The following CCDC14 variants were observed in gnomAD, a reference collection of about 807,000 sequenced individuals.
CCDC14 encodes the protein coiled-coil domain-containing protein 14.
In CCDC14, 71 loss-of-function variants were observed where a neutral mutation model predicts 81.4. That is an observed-to-expected ratio of 0.87 (90% confidence interval 0.72 to 1.06). CCDC14 has a LOEUF of 1.06. Ranked by LOEUF, CCDC14 falls within the 50% of genes least tolerant of loss-of-function variation. The pLI is 0.00. For missense variants in CCDC14, 1,046 were observed against 1,047.3 expected, an observed-to-expected ratio of 1.00 and a Z score of 0.02; for synonymous variants, 332 against 364.8, an observed-to-expected ratio of 0.91 and a Z score of 1.03.
intron 9 of CCDC14, among the ~76,000 whole-genome samples, chr3:123,940,335 C>G (rs923393562): frequency 2.7e-5 from 4 of 150,812 alleles, no homozygotes; most frequent in Non-Finnish European, 5.9e-5. Flanking sequence ...TTTTCTTTTT[C>G]TTCTTTGAGC....
downstream of CCDC14, among the ~76,000 whole-genome samples, chr3:123,909,047 C>T (rs1311863334): frequency 2.6e-5 from 4 of 152,030 alleles, no homozygotes; most frequent in African/African-American, 9.7e-5. Context: ...TCTTGCCAAA[C>T]GTCAAACAAA....
rs181369854 is a variant in CCDC14, at chr3:123,915,104, G to A, written c.2393C>T (p.Ser798Phe). ...TGTGTCCTTCATATCAGATGCTCTG[G>A]AAAGTTTTTCAGGTGCATCTTCTGC... ...KEAEDAPEKL[S>F]RASDMKDTQL... is the part of the protein sequence containing the mutation. Residue 798 changes from serine to phenylalanine, a missense_variant, in exon 13 of 13, where the codon TCC (serine) becomes TTC (phenylalanine). Coordinates refer to ENST00000409697, the MANE Select transcript of CCDC14 (RefSeq NM_001366335.1). The A allele has an allele frequency of 1.6e-4, 261 of 1,613,966 alleles. No individual in the cohort carries two copies. In the East Asian group the frequency reaches 5.2e-3, roughly 32 times the overall value.
intron 1 of CCDC14, among the ~76,000 whole-genome samples, chr3:123,960,907 G>T (rs537984622): frequency 6.6e-5 from 10 of 152,182 alleles, no homozygotes; most frequent in Non-Finnish European, 1.3e-4. Flanking sequence ...ACCCGGGCCT[G>T]ACCCCAAAGC....
the CCDC14 span, among the ~76,000 whole-genome samples, chr3:123,885,878 T>G: frequency 6.6e-6 from 1 of 152,190 alleles, no homozygotes; most frequent in Non-Finnish European, 1.5e-5. Flanking sequence ...AGGAGATGCT[T>G]CCTCTCATCT....
Position 123,956,659 on chromosome 3 carries a change from G to A in CCDC14, c.86+81C>T, listed in dbSNP as rs529717492. On this transcript the variant is annotated intron_variant, in intron 2 of 12. Transcript: ENST00000409697. ...ATGGTAGAGGCCTACCTAATTTTCTGGGGTAGACGACATGTCATCCAGCCC... is the reference window on the plus strand; with the variant it reads ...ATGGTAGAGGCCTACCTAATTTTCTAGGGTAGACGACATGTCATCCAGCCC... The A allele has an allele frequency of 4.4e-6, 5 of 1,124,220 alleles. No homozygotes were observed. The East Asian group carries it at 1.3e-4, about 29-fold the overall frequency. The allele number at this position is 1,124,220 out of a possible 1,614,324, so 69.6% of individuals were successfully genotyped here. A position where few individuals can be genotyped will look rare whatever the true frequency, so the allele number is the denominator to read the frequency against.
rs1191300004 is a variant in CCDC14, at chr3:123,931,513, C to T, written c.1440G>A (p.Gln480=). Residue 480 remains glutamine (Q), a synonymous_variant, in exon 11 of 13, where the codon CAG becomes CAA. Transcript: ENST00000409697. The stretch of plus-strand genomic sequence containing the variant: ...GATTTTGCAGTGACATATTCAATGA[C>T]TGAAGAGAAAACACTGTTAAGACAA... ...VDCNLELFSL[Q]SLNMSLQNQL... is the part of the protein sequence containing the mutation. The T allele has an allele frequency of 1.9e-6, 3 of 1,552,162 alleles. No individual in the cohort carries two copies. In the South Asian group the frequency reaches 3.6e-5, roughly 19 times the overall value.
At chr3:123,887,088 C>G in the CCDC14 span, among the ~76,000 whole-genome samples, 1 of 152,066 alleles carries the variant, frequency 6.6e-6, no homozygotes, top group Non-Finnish European at 1.5e-5. Flanking sequence ...AGTTTTGATT[C>G]TTGAAAACAG....
In CCDC14 at chr3:123,946,826, A is replaced by G. The variant is rs1343881643; in HGVS notation, c.1178T>C (p.Leu393Pro). ...VRIIKYLLGE[L>P]KALVAEQEDS... ...ACCTTGTTCTGCTACCAGGGCCTTG[A>G]GCTCTCCCAACAAATATTTTATAAT... Residue 393 changes from leucine to proline, a missense_variant, in exon 8 of 13, where the codon CTC becomes CCC. By Grantham distance (98) the Leu-to-Pro change is moderately conservative (BLOSUM62 -3). Transcript: ENST00000409697. 6.2e-7 allele frequency: 1 copy of G among 1,613,644 alleles called. No individual in the cohort carries two copies. The highest frequency in any genetic ancestry group is 2.2e-5 in the East Asian group (1 of 44,890).
At chr3:123,943,120 A>G (rs2036441672) in intron 9 of CCDC14, among the ~76,000 whole-genome samples, 1 of 151,888 alleles carries the variant, frequency 6.6e-6, no homozygotes, top group Non-Finnish European at 1.5e-5. Context: ...ATATACATAC[A>G]TACACATATA....
chr3:123,960,539 T>C (rs2037619674), intron 1 of CCDC14, among the ~76,000 whole-genome samples: 1 of 152,218 alleles, frequency 6.6e-6, no homozygotes, highest in Non-Finnish European at 1.5e-5. Flanking sequence ...AAGGATATCG[T>C]GACTATTAAA....
intron 5 of CCDC14, among the ~76,000 whole-genome samples, chr3:123,908,246 G>C (rs547055689): frequency 6.6e-6 from 1 of 152,114 alleles, no homozygotes; most frequent in Admixed American, 6.5e-5. Context: ...TTGGTGTTGC[G>C]ATCTTTCCTC....
At chr3:123,956,943 C>T (rs2037359486) in intron 1 of CCDC14, 148 bp from the exon 2 acceptor site, 2 of 505,860 alleles carry the variant, frequency 4.0e-6, no homozygotes, top group Non-Finnish European at 6.9e-6. Flanking sequence ...CCTTTCCATC[C>T]CCTCTTCTCC....
chr3:123,888,028 A>G, the CCDC14 span, among the ~76,000 whole-genome samples: 5 of 151,076 alleles, frequency 3.3e-5, no homozygotes, highest in East Asian at 7.7e-4. Flanking sequence ...TTATAGGTCA[A>G]TCTTTATTTC....
downstream of CCDC14, among the ~76,000 whole-genome samples, chr3:123,893,760 A>T (rs1017538496): frequency 6.6e-6 from 1 of 152,178 alleles, no homozygotes; most frequent in South Asian, 2.1e-4. Flanking sequence ...ATAGTAATAA[A>T]CTTAGCAGGT....
At chr3:123,933,797 C>A in intron 9 of CCDC14, 42 bp from the exon 10 acceptor site, 1 of 1,347,264 alleles carries the variant, frequency 7.4e-7, no homozygotes, top group East Asian at 2.5e-5. Context: ...GCATACCAAG[C>A]CAATTTAATA....
downstream of CCDC14, among the ~76,000 whole-genome samples, chr3:123,912,793 A>G (rs190791082): frequency 2.6e-5 from 4 of 152,038 alleles, no homozygotes; most frequent in Non-Finnish European, 5.9e-5. Flanking sequence ...TTTAATGGAT[A>G]CTCCTCAGCC....
At chr3:123,889,535 C>T in the CCDC14 span, among the ~76,000 whole-genome samples, 1 of 152,208 alleles carries the variant, frequency 6.6e-6, no homozygotes, top group South Asian at 2.1e-4. Flanking sequence ...ATTCATGTCT[C>T]ACATCCAGGG....
intron 1 of CCDC14, chr3:123,958,601 AGAGTT>A (rs1279818178): frequency 6.6e-6 from 1 of 152,056 alleles, no homozygotes; most frequent in East Asian, 1.9e-4. Context: ...CTGAACCATT[AGAGTT>A]AAGTTTGCAG....
intron 5 of CCDC14, among the ~76,000 whole-genome samples, chr3:123,904,985 T>C (rs566740553): frequency 6.6e-6 from 1 of 152,228 alleles, no homozygotes; most frequent in South Asian, 2.1e-4. Flanking sequence ...AGTATGGTAT[T>C]GCACAGAGAC....
Sources: gnomAD v4.1 joint callset for allele counts (sites outside exome capture counted in the v4.1 genomes callset) on GRCh38, gnomAD v4.1.1 for gene constraint, MANE v1.5 for transcripts, NCBI Gene and HGNC (gene_info 2026-07-23, HGNC 2026-07-21) for gene names.